STAM: variants seen among roughly 807,000 people sequenced by gnomAD.
STAM encodes signal transducing adaptor molecule.
Under a neutral mutation model 63.4 loss-of-function variants are expected in STAM, and 16 were observed. That is an observed-to-expected ratio of 0.25 (90% CI 0.17 to 0.38). The LOEUF (loss-of-function observed/expected upper bound fraction) is 0.38, where lower values mean the gene tolerates loss of function less well. Ranked by LOEUF, STAM falls within the 10% of genes least tolerant of loss-of-function variation. The pLI, the probability that STAM is intolerant of heterozygous loss-of-function variation, is 1.00. For missense variants in STAM, 636 were observed against 657.1 expected (o/e 0.97, Z 0.35); for synonymous variants, 238 against 223.9 (o/e 1.06, Z -0.56).
chr10:17,690,314 G>T (rs1204053817), intron 5 of STAM, among the ~76,000 whole-genome samples: 1 of 152,200 alleles, frequency 6.6e-6, no homozygotes, highest in Non-Finnish European at 1.5e-5. Context: ...GATTGGTAGA[G>T]AAACTAGCTT....
intron 1 of STAM, among the ~76,000 whole-genome samples, chr10:17,648,501 T>C (rs1040353558): frequency 2.6e-5 from 4 of 152,184 alleles, no homozygotes; most frequent in Non-Finnish European, 4.4e-5. Context: ...CAATAAATCT[T>C]GGTGCTGCTC....
chr10:17,660,247 G>A (rs2131582128), intron 1 of STAM, among the ~76,000 whole-genome samples: 1 of 152,142 alleles, frequency 6.6e-6, no homozygotes, highest in Middle Eastern at 3.4e-3. Flanking sequence ...TTTATACTAA[G>A]TAAAGAGGCA....
At chr10:17,713,366 G>A (rs1039426507) in intron 13 of STAM, among the ~76,000 whole-genome samples, 3 of 152,176 alleles carry the variant, frequency 2.0e-5, no homozygotes, top group Admixed American at 6.5e-5. Context: ...CTTCCCCACA[G>A]GACAGCAGGC....
At chr10:17,706,435 G>C (rs1589111671) in intron 12 of STAM, among the ~76,000 whole-genome samples, 2 of 131,356 alleles carry the variant, frequency 1.5e-5, no homozygotes, top group African/African-American at 5.9e-5. Context: ...CTGGAGTGCA[G>C]TGCTGCAATC....
intron 13 of STAM, among the ~76,000 whole-genome samples, chr10:17,711,566 T>C (rs927426350): frequency 3.3e-5 from 5 of 152,152 alleles, no homozygotes; most frequent in African/African-American, 1.2e-4. Flanking sequence ...TTGAGGAAGT[T>C]TTCCAAGAGG....
chr10:17,680,464 C>T (rs1341366736), intron 2 of STAM, among the ~76,000 whole-genome samples: 1 of 151,232 alleles, frequency 6.6e-6, no homozygotes, highest in Non-Finnish European at 1.5e-5. Flanking sequence ...ACTCTGTCAC[C>T]CAGGCTGGAG....
At chr10:17,674,689 A>G (rs2131610641) in intron 2 of STAM, among the ~76,000 whole-genome samples, 1 of 152,292 alleles carries the variant, frequency 6.6e-6, no homozygotes, top group East Asian at 1.9e-4. Context: ...AAGTCACTGA[A>G]GTCAGTCCAG....
At chr10:17,654,517 C>T (rs114650581) in intron 1 of STAM, among the ~76,000 whole-genome samples, 2,114 of 152,150 alleles carry the variant, frequency 0.014, 47 homozygotes, top group African/African-American at 0.048. Context: ...TCACCGCGCC[C>T]GGCTAAACCA....
At chr10:17,705,158 C>A in intron 11 of STAM, 134 bp downstream of exon 11, 2 of 706,956 alleles carry the variant, frequency 2.8e-6, no homozygotes, top group Non-Finnish European at 4.8e-6. Context: ...ATATCTTGTG[C>A]TAGATGTGGA....
chr10:17,680,645 A>G (rs1554825243), intron 2 of STAM, among the ~76,000 whole-genome samples: 1 of 152,072 alleles, frequency 6.6e-6, no homozygotes, highest in Non-Finnish European at 1.5e-5. Flanking sequence ...TGGCTGGAGC[A>G]ATCCTTCCAC....
chr10:17,667,428 A>G (rs935303874), intron 2 of STAM, among the ~76,000 whole-genome samples: 25 of 151,014 alleles, frequency 1.7e-4, no homozygotes, highest in African/African-American at 5.8e-4. Flanking sequence ...AGCCCATAGA[A>G]TTTTTTTTTT....
chr10:17,702,152 A>G (rs1836026542), intron 9 of STAM, among the ~76,000 whole-genome samples: 1 of 152,182 alleles, frequency 6.6e-6, no homozygotes, highest in East Asian at 1.9e-4. Context: ...TTACTTTTCA[A>G]AACTTGAAAT....
intron 1 of STAM, among the ~76,000 whole-genome samples, chr10:17,650,545 A>G (rs1833695646): frequency 6.6e-6 from 1 of 152,154 alleles, no homozygotes; most frequent in Non-Finnish European, 1.5e-5. Flanking sequence ...CTGTAGTTGT[A>G]ATTTTCTACA....
At chr10:17,648,404 A>G (rs1015531989) in intron 1 of STAM, among the ~76,000 whole-genome samples, 2 of 152,166 alleles carry the variant, frequency 1.3e-5, no homozygotes, top group South Asian at 2.1e-4. Context: ...GACAAATAAG[A>G]GAATAAAAGC....
intron 1 of STAM, among the ~76,000 whole-genome samples, chr10:17,657,850 T>TCTC (rs372521273): frequency 1.8e-5 from 2 of 113,192 alleles, no homozygotes; most frequent in Non-Finnish European, 1.9e-5. Flanking sequence ...TTTCTCTCTC[T>TCTC]TTTTTTTTTT....
intron 2 of STAM, among the ~76,000 whole-genome samples, chr10:17,671,787 A>G (rs1026465671): frequency 3.3e-5 from 5 of 152,182 alleles, no homozygotes; most frequent in Non-Finnish European, 7.3e-5. Context: ...TATTTGCAAT[A>G]CTTTTAGGCA....
At chr10:17,704,055 C>T (rs1340719304) in intron 9 of STAM, among the ~76,000 whole-genome samples, 2 of 152,170 alleles carry the variant, frequency 1.3e-5, no homozygotes, top group Non-Finnish European at 2.9e-5. Context: ...GGCTTGATTT[C>T]TTCTCGCTTA....
chr10:17,673,187 C>T (rs960652970), intron 2 of STAM: 1 of 225,492 alleles, frequency 4.4e-6, no homozygotes, highest in African/African-American at 2.3e-5. Flanking sequence ...TCTCTTCTCA[C>T]ATCCTCTGTT....
chr10:17,692,514 A>G (rs999346089), intron 5 of STAM, among the ~76,000 whole-genome samples: 4 of 152,196 alleles, frequency 2.6e-5, no homozygotes, highest in Non-Finnish European at 5.9e-5. Flanking sequence ...ATGGTTGGAA[A>G]TGAGGTTGGT....
Sources: gnomAD v4.1 joint callset for allele counts (sites outside exome capture counted in the v4.1 genomes callset) on GRCh38, gnomAD v4.1.1 for gene constraint, MANE v1.5 for transcripts, NCBI Gene and HGNC (gene_info 2026-07-23, HGNC 2026-07-21) for gene names.